Variants in RILPL1 observed in about 807,000 individuals in gnomAD.
The protein encoded by RILPL1 is RILP-like protein 1.
In RILPL1, 33 loss-of-function variants were observed where a neutral mutation model predicts 50.3. That is an observed-to-expected ratio of 0.66 (90% CI 0.50 to 0.88). The LOEUF is 0.88. Ranked by LOEUF, RILPL1 falls within the 40% of genes least tolerant of loss-of-function variation. The probability of loss-of-function intolerance (pLI) is 0.00; values close to 1 mark genes in which losing one functional copy is unlikely to be tolerated. For synonymous variants in RILPL1, 205 were observed against 228.6 expected (o/e 0.90, Z 0.93); for missense variants, 418 against 542.5 (o/e 0.77, Z 2.28).
At chr12:123,478,207 C>T (rs1252890518) in intron 6 of RILPL1, among the ~76,000 whole-genome samples, 1 of 151,560 alleles carries the variant, frequency 6.6e-6, no homozygotes, top group Non-Finnish European at 1.5e-5. Context: ...TGCTATGTTG[C>T]CCAGGCTCAT....
At chr12:123,475,645 AAC>A (rs1294126725) in intron 6 of RILPL1, 4 of 1,552,242 alleles carry the variant, frequency 2.6e-6, no homozygotes, top group East Asian at 2.3e-5. Context: ...CAAAACCCAA[AAC>A]ACACACAGTG....
chr12:123,470,388 G>A lies in RILPL1; in HGVS notation c.*2150C>T. 6.7e-6 allele frequency: 1 copy of A among 149,028 alleles called. No homozygotes were observed. Among genetic ancestry groups the A allele is most frequent in the Non-Finnish European group, 1.5e-5 (1 of 67,976 alleles). 9.2% of individuals were successfully genotyped at this position (149,028 alleles called of 1,614,324 possible). ...CTTGGGAGGCTGAGGTGGGAGGATTGCTTGAGCCCAGGGGTTCATAGCTGC... is the reference window on the plus strand; with the variant it reads ...CTTGGGAGGCTGAGGTGGGAGGATTACTTGAGCCCAGGGGTTCATAGCTGC... On this transcript the variant is annotated 3_prime_UTR_variant, in exon 7 of 7. Transcript: ENST00000376874.
chr12:123,525,155 A>C (rs1375546402), intron 1 of RILPL1, among the ~76,000 whole-genome samples: 3 of 151,738 alleles, frequency 2.0e-5, no homozygotes, highest in Non-Finnish European at 4.4e-5. Flanking sequence ...ATAATAAATA[A>C]AATAAAATTG....
At chr12:123,516,820 G>A (rs1388600940) in intron 2 of RILPL1, among the ~76,000 whole-genome samples, 2 of 152,168 alleles carry the variant, frequency 1.3e-5, no homozygotes, top group Non-Finnish European at 2.9e-5. Context: ...CAGCACTTTG[G>A]GAGACTGAGG....
At position 123,472,666 on chromosome 12, in the gene RILPL1, G is replaced by T; in HGVS notation, c.1084C>A (p.Arg362=). 1 of 1,598,022 alleles carries T rather than the reference G, an allele frequency of 6.3e-7. No homozygotes were observed. Among genetic ancestry groups the T allele is most frequent in the East Asian group, 2.3e-5 (1 of 44,356 alleles). ...GTGTTGGCCAGGCGCTTCTTATCTCGGGAGAAGAAGCTAAACCTTTGGAAG... is the reference window on the plus strand; with the variant it reads ...GTGTTGGCCAGGCGCTTCTTATCTCTGGAGAAGAAGCTAAACCTTTGGAAG... ...GIKRLFSFFS[R]DKKRLANTQR... The change falls in exon 7 of 7, where the codon CGA becomes AGA. Residue 362 remains arginine, a synonymous_variant. Transcript: ENST00000376874.
Position 123,482,030 on chromosome 12 carries a change from C to T in RILPL1, c.1067+2150G>A, listed in dbSNP as rs539860707. ...TGGGACTACAGGCATGTGACCACCA[C>T]GCCCAGCTAATTTTTGTAGTTTTAG... On this transcript the variant is annotated intron_variant, in intron 6 of 6. Coordinates refer to ENST00000376874, the MANE Select transcript of RILPL1 (RefSeq NM_178314.5). Among the ~76,000 whole-genome samples, 3 of 152,128 alleles carry T rather than the reference C, an allele frequency of 2.0e-5. No homozygotes were observed. In the East Asian group the frequency reaches 5.8e-4, roughly 29 times the overall value.
intron 6 of RILPL1, chr12:123,475,774 CACAG>C: frequency 6.8e-7 from 1 of 1,467,730 alleles, no homozygotes; most frequent in South Asian, 1.2e-5. Context: ...TACAGATAGA[CACAG>C]AGAAGATAAA....
At position 123,485,077 on chromosome 12, in the gene RILPL1, T is replaced by C. The variant is rs1157904261; in HGVS notation, c.974+556A>G. ...TGGAGCAGGGACCACCTCTGGTGCA[T>C]GGGTCCTTCCTTCCAGCTTTCTATT... On this transcript the variant is annotated intron_variant, in intron 5 of 6. Coordinates refer to ENST00000376874, the MANE Select transcript of RILPL1 (RefSeq NM_178314.5). This position sits in a 1 kb window ranked among gnomAD's most constrained non-coding sequence, Gnocchi z 4.0. 13 of 450,172 alleles carry C rather than the reference T, an allele frequency of 2.9e-5. No homozygotes were observed. Among genetic ancestry groups the C allele is most frequent in the Non-Finnish European group, 5.0e-5 (11 of 222,020 alleles). The allele number at this position is 450,172 out of a possible 1,614,324, so 27.9% of individuals were successfully genotyped here. A position where few individuals can be genotyped will look rare whatever the true frequency, so the allele number is the denominator to read the frequency against.
chr12:123,472,648 C>T lies in RILPL1; in HGVS notation c.1102G>A (p.Ala368Thr). The T allele has an allele frequency of 6.3e-7, 1 of 1,598,118 alleles. No homozygotes were observed. Among genetic ancestry groups the T allele is most frequent in the Non-Finnish European group, 8.5e-7 (1 of 1,172,336 alleles). The change falls in exon 7 of 7, where the codon GCC becomes ACC. Residue 368 changes from alanine to threonine, a missense_variant. Coordinates refer to ENST00000376874, the MANE Select transcript of RILPL1 (RefSeq NM_178314.5). Reference sequence around the variant, plus strand: ...ATGTGCACGTTTCTCTGTGTGTTGGCCAGGCGCTTCTTATCTCGGGAGAAG... The same window carrying T: ...ATGTGCACGTTTCTCTGTGTGTTGGTCAGGCGCTTCTTATCTCGGGAGAAG... ...SFFSRDKKRLANTQRNVHIQE... is the reference protein window; with the variant it reads ...SFFSRDKKRLTNTQRNVHIQE...
intron 4 of RILPL1, among the ~76,000 whole-genome samples, chr12:123,488,966 G>A (rs1017394051): frequency 2.3e-4 from 35 of 152,132 alleles, no homozygotes; most frequent in Admixed American, 1.9e-3. Context: ...CCTCTGCAGC[G>A]CCTCCAGGGA....
In RILPL1 at chr12:123,484,290, G is replaced by A. The variant is rs1160756778; in HGVS notation, c.975-18C>T. 6.5e-7 allele frequency: 1 copy of A among 1,532,248 alleles called. No individual in the cohort carries two copies. The highest frequency in any genetic ancestry group is 9.0e-7 in the Non-Finnish European group (1 of 1,105,798). The allele number at this position is 1,532,248 out of a possible 1,614,324, so 94.9% of individuals were successfully genotyped here. A position where few individuals can be genotyped will look rare whatever the true frequency, so the allele number is the denominator to read the frequency against. ...TTTCTTCACTGGAAGGAGATGAGAGGCGTGAGATAAAAGAGTCAAAAGTTC... is the reference window on the plus strand; with the variant it reads ...TTTCTTCACTGGAAGGAGATGAGAGACGTGAGATAAAAGAGTCAAAAGTTC... On this transcript the variant is annotated intron_variant, in intron 5 of 6. Transcript: ENST00000376874.
At chr12:123,473,789 G>T (rs977017409) in intron 6 of RILPL1, 3 of 150,150 alleles carry the variant, frequency 2.0e-5, no homozygotes, top group African/African-American at 7.4e-5. Context: ...AAAGGCAGAA[G>T]TCATAAGCAT....
At chr12:123,510,462 G>C (rs956870795) in intron 2 of RILPL1, among the ~76,000 whole-genome samples, 10 of 140,892 alleles carry the variant, frequency 7.1e-5, no homozygotes, top group African/African-American at 2.5e-4. Flanking sequence ...GTGAATGTGG[G>C]GTCTGTGTGT....
rs1885090389 is a variant in RILPL1 at position 123,522,158 on chromosome 12, A to G, written c.460+1337T>C. 6.6e-6 allele frequency among the ~76,000 whole-genome samples: 1 copy of G among 152,188 alleles called. No individual in the cohort carries two copies. On this transcript the variant is annotated intron_variant, in intron 2 of 6. Transcript: ENST00000376874. This position sits in a 1 kb window ranked among gnomAD's most constrained non-coding sequence, Gnocchi z 4.0. ...CAGGTCCGTCCCCGTTCCATCAAAC[A>G]TGAGGAAGAGGCTCATGTGGGGAGC...
At chr12:123,483,722 C>T (rs1456344595) in intron 6 of RILPL1, among the ~76,000 whole-genome samples, 1 of 152,038 alleles carries the variant, frequency 6.6e-6, no homozygotes, top group Non-Finnish European at 1.5e-5. Flanking sequence ...ATGCAGTAAC[C>T]CCTGCTTAAT....
At position 123,489,515 on chromosome 12, in the gene RILPL1, T is replaced by C. The variant is rs968199917; in HGVS notation, c.802-3710A>G. On this transcript the variant is annotated intron_variant, in intron 4 of 6. Transcript: ENST00000376874. The surrounding 1 kb of genome is among the most constrained non-coding windows in gnomAD (Gnocchi z 4.0). ...CCGTCTCTACTAAAAAACACAAAAA[T>C]TAGTCAGGCATGGTGGTGGGCACCT... Among the ~76,000 whole-genome samples, 1 of 151,280 alleles carries C rather than the reference T, an allele frequency of 6.6e-6. No homozygotes were observed. The highest frequency in any genetic ancestry group is 2.4e-5 in the African/African-American group (1 of 41,072).
intron 2 of RILPL1, among the ~76,000 whole-genome samples, chr12:123,507,498 G>A (rs1256263341): frequency 6.6e-6 from 1 of 151,508 alleles, no homozygotes; most frequent in Non-Finnish European, 1.5e-5. Flanking sequence ...CCAGGAGTTC[G>A]AGGCTGCAAT....
intron 2 of RILPL1, chr12:123,513,291 A>G: frequency 3.3e-6 from 1 of 300,356 alleles, no homozygotes; most frequent in Non-Finnish European, 7.0e-6. Context: ...ACTCCTCCCG[A>G]CCCCCCGCCT....
In RILPL1 at chr12:123,499,526, C is replaced by T; in HGVS notation, c.471G>A (p.Glu157=). The T allele has an allele frequency of 3.1e-6, 5 of 1,613,514 alleles. No homozygotes were observed. Among genetic ancestry groups the T allele is most frequent in the Non-Finnish European group, 4.2e-6 (5 of 1,179,594 alleles). Residue 157 remains glutamate (E), a synonymous_variant, in exon 3 of 7, where the codon GAG becomes GAA. Coordinates refer to ENST00000376874, the MANE Select transcript of RILPL1 (RefSeq NM_178314.5). ...EEFQKHEGMS[E]RERQVMKKLK... is the part of the protein sequence containing the mutation. ...GCTTCTTCATCACCTGTCGCTCCCG[C>T]TCTGACATGCCTGGGTGGGCAAGTG...
Sources: gnomAD v4.1 joint callset for allele counts (sites outside exome capture counted in the v4.1 genomes callset) on GRCh38, gnomAD v4.1.1 for gene constraint, Gnocchi (gnomAD v3.1) non-coding constraint, MANE v1.5 for transcripts, NCBI Gene and HGNC (gene_info 2026-07-23, HGNC 2026-07-21) for gene names.